ADAMTS3: variants seen among roughly 807,000 people sequenced by gnomAD.
ADAMTS3 encodes A disintegrin and metalloproteinase with thrombospondin motifs 3.
In ADAMTS3, 73 loss-of-function variants were observed where a neutral mutation model predicts 129.0. The ratio of observed to expected loss-of-function variants is 0.57; its 90% CI spans 0.47 to 0.69. The LOEUF (loss-of-function observed/expected upper bound fraction) is 0.69, where lower values mean the gene tolerates loss of function less well. Ranked by LOEUF, ADAMTS3 falls within the 30% of genes least tolerant of loss-of-function variation. The probability of loss-of-function intolerance (pLI) is 0.00; values close to 1 mark genes in which losing one functional copy is unlikely to be tolerated. For synonymous variants in ADAMTS3, 477 were observed against 510.8 expected, an observed-to-expected ratio of 0.93 and a Z score of 0.89; for missense variants, 1,457 against 1,514.5, an observed-to-expected ratio of 0.96 and a Z score of 0.63.
chr4:72,295,610 C>T (rs1013860942), intron 19 of ADAMTS3, 44 bp downstream of exon 19: 4 of 1,575,692 alleles, frequency 2.5e-6, no homozygotes, highest in African/African-American at 2.7e-5. Flanking sequence ...GCAGTGAAGT[C>T]CTGATTTTGA....
chr4:72,530,432 A>G (rs1300640866), intron 3 of ADAMTS3, among the ~76,000 whole-genome samples: 1 of 85,914 alleles, frequency 1.2e-5, no homozygotes, highest in Non-Finnish European at 2.0e-5. Flanking sequence ...TTAAATTAAT[A>G]TATGTTAATT....
chr4:72,373,928 A>G (rs925564111), intron 4 of ADAMTS3, among the ~76,000 whole-genome samples: 3 of 148,114 alleles, frequency 2.0e-5, no homozygotes, highest in Non-Finnish European at 4.5e-5. Context: ...AATAATAATA[A>G]TAATAATAAT....
chr4:72,359,636 A>C (rs1395785367), intron 4 of ADAMTS3, among the ~76,000 whole-genome samples: 1 of 152,010 alleles, frequency 6.6e-6, no homozygotes, highest in East Asian at 1.9e-4. Context: ...AAGGTGCTAG[A>C]AACCCTAACA....
chr4:72,422,403 C>A (rs1722468872), intron 3 of ADAMTS3, among the ~76,000 whole-genome samples: 1 of 151,986 alleles, frequency 6.6e-6, no homozygotes, highest in South Asian at 2.1e-4. Flanking sequence ...TATTTAGTTT[C>A]CCAAACTATT....
intron 3 of ADAMTS3, among the ~76,000 whole-genome samples, chr4:72,423,950 G>T (rs1489444060): frequency 3.9e-5 from 6 of 152,052 alleles, no homozygotes; most frequent in African/African-American, 1.4e-4. Context: ...TTTAAAGCCA[G>T]AGGGAATTTT....
intron 4 of ADAMTS3, among the ~76,000 whole-genome samples, chr4:72,369,144 C>T (rs534527814): frequency 5.1e-4 from 77 of 152,310 alleles, no homozygotes; most frequent in South Asian, 1.0e-3. Context: ...AGAAACACTA[C>T]GCATGGTGTC....
chr4:72,516,871 C>T (rs1389530373), intron 3 of ADAMTS3, among the ~76,000 whole-genome samples: 1 of 151,528 alleles, frequency 6.6e-6, no homozygotes, highest in East Asian at 1.9e-4. Context: ...TTCCAACACT[C>T]TGTTGAATAG....
chr4:72,541,300 A>T (rs1471522923), intron 3 of ADAMTS3, among the ~76,000 whole-genome samples: 1 of 152,128 alleles, frequency 6.6e-6, no homozygotes, highest in Admixed American at 6.5e-5. Flanking sequence ...AGTTTCTCCC[A>T]CTTGGAATGG....
intron 3 of ADAMTS3, among the ~76,000 whole-genome samples, chr4:72,532,267 A>G (rs950965690): frequency 2.0e-5 from 3 of 152,114 alleles, no homozygotes; most frequent in Admixed American, 6.5e-5. Flanking sequence ...CTGTTTTAAT[A>G]AACCCTCCAG....
intron 5 of ADAMTS3, 78 bp downstream of exon 5, chr4:72,339,416 C>T: frequency 7.0e-7 from 1 of 1,426,266 alleles, no homozygotes; most frequent in South Asian, 1.2e-5. Context: ...AGTTCTCACA[C>T]AGATTGCCAA....
intron 3 of ADAMTS3, among the ~76,000 whole-genome samples, chr4:72,498,624 C>T (rs574781072): frequency 4.7e-5 from 7 of 150,044 alleles, no homozygotes; most frequent in African/African-American, 1.7e-4. Flanking sequence ...AATATTCCCT[C>T]TCTCTCTCTC....
intron 3 of ADAMTS3, among the ~76,000 whole-genome samples, chr4:72,443,432 T>C (rs1324901268): frequency 2.0e-5 from 3 of 151,776 alleles, no homozygotes; most frequent in Non-Finnish European, 4.4e-5. Flanking sequence ...CCTCTAGTGT[T>C]AAAAATGTCT....
chr4:72,383,407 T>A (rs1016490283), intron 4 of ADAMTS3, among the ~76,000 whole-genome samples: 8 of 152,186 alleles, frequency 5.3e-5, no homozygotes, highest in African/African-American at 1.7e-4. Flanking sequence ...GGCTGAAATA[T>A]GAATGAGAAC....
At chr4:72,542,057 C>T (rs1721345457) in intron 3 of ADAMTS3, among the ~76,000 whole-genome samples, 1 of 152,088 alleles carries the variant, frequency 6.6e-6, no homozygotes, top group Admixed American at 6.5e-5. Flanking sequence ...ATAATTATTG[C>T]ACCTAATTTA....
intron 4 of ADAMTS3, among the ~76,000 whole-genome samples, chr4:72,362,087 C>A (rs1720743154): frequency 6.6e-6 from 1 of 151,820 alleles, no homozygotes; most frequent in African/African-American, 2.4e-5. Context: ...TGTCAGTTAC[C>A]CAGGCCCATG....
At chr4:72,386,863 T>G (rs1409066012) in intron 4 of ADAMTS3, among the ~76,000 whole-genome samples, 1 of 152,158 alleles carries the variant, frequency 6.6e-6, no homozygotes, top group African/African-American at 2.4e-5. Flanking sequence ...GAAAGTAGAT[T>G]CTCACCATGG....
chr4:72,528,213 T>TA (rs200184162), intron 3 of ADAMTS3, among the ~76,000 whole-genome samples: 5,410 of 138,232 alleles, frequency 0.039, 116 homozygotes, highest in Non-Finnish European at 0.052. Context: ...AATTCTCTCT[T>TA]TAAAAAAAAA....
At chr4:72,396,717 T>C (rs1349242792) in intron 4 of ADAMTS3, among the ~76,000 whole-genome samples, 1 of 152,192 alleles carries the variant, frequency 6.6e-6, no homozygotes, top group Admixed American at 6.5e-5. Flanking sequence ...AACTATGATG[T>C]AATGACTTAA....
chr4:72,357,817 A>G (rs1487700821), intron 4 of ADAMTS3, among the ~76,000 whole-genome samples: 1 of 151,980 alleles, frequency 6.6e-6, no homozygotes, highest in African/African-American at 2.4e-5. Context: ...GATCAAGAAA[A>G]AGTTACCAAA....
Sources: gnomAD v4.1 joint callset for allele counts (sites outside exome capture counted in the v4.1 genomes callset) on GRCh38, gnomAD v4.1.1 for gene constraint, MANE v1.5 for transcripts, NCBI Gene and HGNC (gene_info 2026-07-23, HGNC 2026-07-21) for gene names.